Variants in DHRS7B observed in about 807,000 individuals in gnomAD.
The protein encoded by DHRS7B is dehydrogenase/reductase 7B, also known as peroxisomal reductase activating PPAR-gamma.
A neutral mutation model predicts 26.4 loss-of-function variants in DHRS7B; 24 were observed. The observed-to-expected ratio is 0.91, with a 90% CI of 0.66 to 1.28. DHRS7B has a LOEUF of 1.28. DHRS7B is among the 50% of genes most tolerant of loss of function. The pLI, the probability that DHRS7B is intolerant of heterozygous loss-of-function variation, is 0.00. For synonymous variants in DHRS7B, 142 were observed against 166.4 expected (o/e 0.85, Z 1.13); for missense variants, 368 against 419.4 (o/e 0.88, Z 1.07).
chr17:21,135,100 C>T (rs1023462267), intron 1 of DHRS7B, among the ~76,000 whole-genome samples: 15 of 152,128 alleles, frequency 9.9e-5, no homozygotes, highest in African/African-American at 3.4e-4. Flanking sequence ...AGTTTTAGGG[C>T]AGCCATAGTC....
chr17:21,162,838 T>C (rs1210994749), intron 1 of DHRS7B, among the ~76,000 whole-genome samples: 1 of 152,198 alleles, frequency 6.6e-6, no homozygotes, highest in Admixed American at 6.5e-5. Context: ...TGAGAGTGTT[T>C]TCTATAATGA....
At chr17:21,180,059 G>A (rs1361801570) in intron 3 of DHRS7B, among the ~76,000 whole-genome samples, 2 of 147,770 alleles carry the variant, frequency 1.4e-5, no homozygotes, top group African/African-American at 5.1e-5. Context: ...GAGCCACCAT[G>A]CCCAGCCCAC....
At chr17:21,127,907 G>A (rs1041622317) in intron 1 of DHRS7B, 2 of 152,174 alleles carry the variant, frequency 1.3e-5, no homozygotes, top group African/African-American at 4.8e-5. Flanking sequence ...CCTTTGCCAA[G>A]GGTGTGGAAT....
At chr17:21,142,244 G>A (rs926474204) in intron 1 of DHRS7B, among the ~76,000 whole-genome samples, 3 of 152,168 alleles carry the variant, frequency 2.0e-5, no homozygotes, top group African/African-American at 4.8e-5. Flanking sequence ...TGCAAGCACC[G>A]GTGGTCAGAG....
At chr17:21,159,067 T>C (rs563027340) in intron 1 of DHRS7B, among the ~76,000 whole-genome samples, 2 of 152,004 alleles carry the variant, frequency 1.3e-5, no homozygotes, top group South Asian at 4.2e-4. Context: ...TGCTAGAAGA[T>C]AACATAAGAG....
intron 1 of DHRS7B, among the ~76,000 whole-genome samples, chr17:21,146,235 C>A (rs541444028): frequency 6.6e-6 from 1 of 152,136 alleles, no homozygotes; most frequent in African/African-American, 2.4e-5. Context: ...ATGGCAAAAC[C>A]AGATCTCTAC....
intron 1 of DHRS7B, among the ~76,000 whole-genome samples, chr17:21,165,018 T>A (rs1597746347): frequency 6.6e-6 from 1 of 152,362 alleles, no homozygotes; most frequent in Non-Finnish European, 1.5e-5. Flanking sequence ...AGTTTATGAT[T>A]CAACAGCACA....
In DHRS7B at chr17:21,159,498, T is replaced by C. The variant is rs530224090; in HGVS notation, c.21-12520T>C. Among the ~76,000 whole-genome samples, 17 of 151,960 alleles carry C rather than the reference T, an allele frequency of 1.1e-4. No individual in the cohort carries two copies. The South Asian group carries it at 1.5e-3, about 13-fold the overall frequency. On this transcript the variant is annotated intron_variant, in intron 1 of 6. Transcript: ENST00000395511. ...TCTCAAGCTCCTGACCTCATGATCC[T>C]GCTGCCTTGGCCTCCCAAAATGTTG...
chr17:21,130,581 A>G (rs1251183645), intron 1 of DHRS7B, among the ~76,000 whole-genome samples: 1 of 152,172 alleles, frequency 6.6e-6, no homozygotes, highest in East Asian at 1.9e-4. Context: ...ACAGAGGAAT[A>G]ATTTATAAAT....
intron 2 of DHRS7B, 113 bp from the exon 3 acceptor site, chr17:21,178,120 G>T: frequency 1.0e-6 from 1 of 982,136 alleles, no homozygotes; most frequent in Non-Finnish European, 1.5e-6. Context: ...CACACAGCAG[G>T]GGCCAACACA....
At chr17:21,127,952 C>T (rs1326188341) in intron 1 of DHRS7B, 1 of 152,226 alleles carries the variant, frequency 6.6e-6, no homozygotes, top group Non-Finnish European at 1.5e-5. Context: ...CCCCTTTTCT[C>T]CATTCCTTAA....
chr17:21,131,687 C>G (rs750393120), intron 1 of DHRS7B, among the ~76,000 whole-genome samples: 1 of 152,184 alleles, frequency 6.6e-6, no homozygotes, highest in Non-Finnish European at 1.5e-5. Context: ...TAGAGTTGCT[C>G]TGGTTCAGAT....
chr17:21,143,883 A>T (rs952027471), intron 1 of DHRS7B, among the ~76,000 whole-genome samples: 3 of 152,220 alleles, frequency 2.0e-5, no homozygotes, highest in African/African-American at 7.2e-5. Context: ...TCTTTTTCAC[A>T]TCTGCTTTTC....
At chr17:21,150,105 T>TAAAAAAAA (rs61516968) in intron 1 of DHRS7B, among the ~76,000 whole-genome samples, 4 of 50,050 alleles carry the variant, frequency 8.0e-5, no homozygotes, top group African/African-American at 3.0e-4. Flanking sequence ...CATCTCTATT[T>TAAAAAAAA]AAAAAAAAAA....
chr17:21,161,430 A>G (rs1224279106), intron 1 of DHRS7B, among the ~76,000 whole-genome samples: 1 of 152,252 alleles, frequency 6.6e-6, no homozygotes, highest in Non-Finnish European at 1.5e-5. Context: ...TATACATGAA[A>G]TTCTGTATCT....
chr17:21,156,911 CAAAA>C, intron 1 of DHRS7B, among the ~76,000 whole-genome samples: 1 of 139,556 alleles, frequency 7.2e-6, no homozygotes, highest in East Asian at 2.1e-4. Flanking sequence ...AATTCTGTCT[CAAAA>C]AAAAAAAAAA....
At chr17:21,150,915 T>C (rs1475026662) in intron 1 of DHRS7B, among the ~76,000 whole-genome samples, 3 of 152,124 alleles carry the variant, frequency 2.0e-5, no homozygotes, top group African/African-American at 7.2e-5. Flanking sequence ...ATTCTAGATA[T>C]TAGGATTAGA....
At chr17:21,132,225 G>C (rs1294740823) in intron 1 of DHRS7B, among the ~76,000 whole-genome samples, 1 of 151,876 alleles carries the variant, frequency 6.6e-6, no homozygotes, top group Admixed American at 6.6e-5. Flanking sequence ...TACAGGCCAG[G>C]CCCAGTGGCT....
intron 1 of DHRS7B, among the ~76,000 whole-genome samples, chr17:21,131,561 G>A (rs1362661202): frequency 6.6e-6 from 1 of 152,192 alleles, no homozygotes; most frequent in African/African-American, 2.4e-5. Flanking sequence ...TATCAGCAAG[G>A]TCTTTCTGAC....
Sources: allele counts gnomAD v4.1 joint callset (sites outside exome capture counted in the v4.1 genomes callset), GRCh38; gene constraint gnomAD v4.1.1; transcripts MANE v1.5; gene names NCBI Gene and HGNC (gene_info 2026-07-23, HGNC 2026-07-21).